CRYBG1: variants seen among roughly 807,000 people sequenced by gnomAD.
The protein encoded by CRYBG1 is crystallin beta-gamma domain containing 1.
Under a neutral mutation model 189.2 loss-of-function variants are expected in CRYBG1, and 139 were observed. The ratio of observed to expected loss-of-function variants is 0.73; its 90% CI spans 0.64 to 0.85. The LOEUF is 0.85. Ranked by LOEUF, CRYBG1 falls within the 40% of genes least tolerant of loss-of-function variation. CRYBG1 has a pLI of 0.00. For missense variants in CRYBG1, 2,611 were observed against 2,675.8 expected, an observed-to-expected ratio of 0.98 and a Z score of 0.53; for synonymous variants, 1,023 against 1,017.1, an observed-to-expected ratio of 1.01 and a Z score of -0.11.
chr6:106,551,450 A>G (rs1562116124), intron 13 of CRYBG1, among the ~76,000 whole-genome samples: 1 of 152,108 alleles, frequency 6.6e-6, no homozygotes, highest in Non-Finnish European at 1.5e-5. Context: ...CCACATCTTG[A>G]TATTGTGAAT....
At chr6:106,447,547 A>T (rs1026540341) in intron 1 of CRYBG1, among the ~76,000 whole-genome samples, 1 of 141,058 alleles carries the variant, frequency 7.1e-6, no homozygotes, top group Non-Finnish European at 1.5e-5. Context: ...GTACCTCATA[A>T]ATATATATAT....
Position 106,511,612 on chromosome 6 carries a change from T to C in CRYBG1, c.495T>C (p.Ser165=), listed in dbSNP as rs976597284. The C allele has an allele frequency of 6.5e-7, 1 of 1,532,968 alleles. No homozygotes were observed. Among genetic ancestry groups the C allele is most frequent in the Non-Finnish European group, 8.7e-7 (1 of 1,145,634 alleles). 95.0% of individuals were successfully genotyped at this position (1,532,968 alleles called of 1,614,324 possible). The part of the protein sequence containing the change: ...VASPKLPERE[S]ERSRSQSSQL... ...CTCCTAAGCTCCCAGAGAGAGAGAGTGAGAGGAGCAGATCTCAGAGCAGCC... is the reference window on the plus strand; with the variant it reads ...CTCCTAAGCTCCCAGAGAGAGAGAGCGAGAGGAGCAGATCTCAGAGCAGCC... The change falls in exon 3 of 22, where the codon AGT becomes AGC. Residue 165 remains serine (S), a synonymous_variant. Coordinates refer to ENST00000633556, the MANE Select transcript of CRYBG1 (RefSeq NM_001371242.2).
At chr6:106,465,187 T>A (rs1772087594) in intron 2 of CRYBG1, among the ~76,000 whole-genome samples, 1 of 152,222 alleles carries the variant, frequency 6.6e-6, no homozygotes, top group African/African-American at 2.4e-5. Flanking sequence ...CTTCTCCACG[T>A]GACCTTTTGC....
intron 1 of CRYBG1, among the ~76,000 whole-genome samples, chr6:106,436,588 C>G (rs1160129615): frequency 1.1e-5 from 1 of 95,190 alleles, no homozygotes; most frequent in Non-Finnish European, 1.9e-5. Context: ...CCAACGCGCC[C>G]GGCCGCAATC....
intron 2 of CRYBG1, among the ~76,000 whole-genome samples, chr6:106,476,180 C>T (rs569836917): frequency 2.0e-5 from 3 of 152,220 alleles, no homozygotes; most frequent in African/African-American, 4.8e-5. Flanking sequence ...TAACCTTGTC[C>T]GTACAGAGCA....
intron 2 of CRYBG1, among the ~76,000 whole-genome samples, chr6:106,453,203 AT>A (rs1445866716): frequency 6.6e-6 from 1 of 152,232 alleles, no homozygotes; most frequent in Admixed American, 6.5e-5. Context: ...CAATTAAAAA[AT>A]GTTAAAGCTT....
intron 1 of CRYBG1, among the ~76,000 whole-genome samples, chr6:106,435,229 G>A (rs1183855371): frequency 2.0e-5 from 3 of 151,912 alleles, no homozygotes; most frequent in Non-Finnish European, 4.4e-5. Flanking sequence ...AGGATGGTGT[G>A]ATCATAGCTT....
At chr6:106,362,094 CG>C (rs1391894735) in intron 1 of CRYBG1, among the ~76,000 whole-genome samples, 4 of 150,222 alleles carry the variant, frequency 2.7e-5, no homozygotes. Flanking sequence ...CCTCAGCCCC[CG>C]AGTAGCTGGG....
intron 7 of CRYBG1, among the ~76,000 whole-genome samples, chr6:106,529,335 G>A (rs1447437668): frequency 6.6e-6 from 1 of 152,160 alleles, no homozygotes; most frequent in African/African-American, 2.4e-5. Context: ...ATGGCTCCCA[G>A]TGTGTCATGG....
At chr6:106,435,968 G>C (rs1582761392) in intron 1 of CRYBG1, among the ~76,000 whole-genome samples, 1 of 151,930 alleles carries the variant, frequency 6.6e-6, no homozygotes, top group African/African-American at 2.4e-5. Flanking sequence ...TAAGAAACTG[G>C]GAAAAAGAAA....
At chr6:106,378,743 TAGAAAG>T (rs780548531) in intron 1 of CRYBG1, among the ~76,000 whole-genome samples, 2 of 152,352 alleles carry the variant, frequency 1.3e-5, no homozygotes, top group Non-Finnish European at 2.9e-5. Flanking sequence ...CTACAGTAGA[TAGAAAG>T]AGAAAAATGT....
chr6:106,510,825 T>C (rs1331872151), intron 2 of CRYBG1, among the ~76,000 whole-genome samples: 1 of 152,264 alleles, frequency 6.6e-6, no homozygotes, highest in Non-Finnish European at 1.5e-5. Context: ...CTCCTCCCAT[T>C]GGAGCTCCGG....
rs1773764535 is a variant in CRYBG1, at chr6:106,527,379, G to A, written c.4487G>A (p.Gly1496Asp). ...PLEEGELELS[G>D]LWGIEDILER... is the part of the protein sequence containing the mutation. ...GAAGAAGGAGAATTGGAACTCTCTG[G>A]TCTCTGGGGTATAGAAGACATTTTG... The change falls in exon 7 of 22, where the codon GGT becomes GAT. Residue 1496 changes from glycine (G) to aspartate (D), a missense_variant. By Grantham distance (94) the Gly-to-Asp change is moderately conservative. Transcript: ENST00000633556. 6.2e-7 allele frequency: 1 copy of A among 1,613,786 alleles called. No homozygotes were observed. Among genetic ancestry groups the A allele is most frequent in the Non-Finnish European group, 8.5e-7 (1 of 1,179,798 alleles).
intron 13 of CRYBG1, among the ~76,000 whole-genome samples, chr6:106,545,978 C>T (rs1356670106): frequency 6.6e-6 from 1 of 152,232 alleles, no homozygotes; most frequent in Non-Finnish European, 1.5e-5. Context: ...CCATGCCTGG[C>T]CCCAGCTCAT....
chr6:106,407,432 T>C (rs6568437), intron 1 of CRYBG1, among the ~76,000 whole-genome samples: 7,809 of 152,164 alleles, frequency 0.051, 629 homozygotes, highest in African/African-American at 0.17. Flanking sequence ...CATACAATAA[T>C]AGTGGGAGAC....
chr6:106,545,457 G>A (rs1774246696), intron 13 of CRYBG1, among the ~76,000 whole-genome samples: 1 of 152,226 alleles, frequency 6.6e-6, no homozygotes, highest in Non-Finnish European at 1.5e-5. Flanking sequence ...TGAAGTGACT[G>A]CAAGCCAAGC....
At chr6:106,545,442 T>C (rs181006497) in intron 13 of CRYBG1, among the ~76,000 whole-genome samples, 1 of 152,356 alleles carries the variant, frequency 6.6e-6, no homozygotes, top group East Asian at 1.9e-4. Flanking sequence ...CAAGATTCTT[T>C]GGGATGAAGT....
chr6:106,471,956 A>T (rs1039399687), intron 2 of CRYBG1, among the ~76,000 whole-genome samples: 28 of 152,242 alleles, frequency 1.8e-4, no homozygotes, highest in Middle Eastern at 3.2e-3. Flanking sequence ...ATTTCTTTCA[A>T]CAGATTGAGC....
chr6:106,506,641 C>T (rs373731467), intron 2 of CRYBG1, among the ~76,000 whole-genome samples: 3 of 151,560 alleles, frequency 2.0e-5, no homozygotes, highest in Admixed American at 6.6e-5. Context: ...TTAGTAGAGA[C>T]GGGGTTTCAC....
Sources: gnomAD v4.1 joint callset for allele counts (sites outside exome capture counted in the v4.1 genomes callset) on GRCh38, gnomAD v4.1.1 for gene constraint, MANE v1.5 for transcripts, NCBI Gene and HGNC (gene_info 2026-07-23, HGNC 2026-07-21) for gene names.